Variants in RIMS2 observed in about 807,000 individuals in gnomAD.
RIMS2 encodes regulating synaptic membrane exocytosis protein 2.
A neutral mutation model predicts 174.4 loss-of-function variants in RIMS2; 59 were observed. The ratio of observed to expected loss-of-function variants is 0.34; its 90% CI spans 0.27 to 0.42. RIMS2 has a LOEUF of 0.42. RIMS2 is among the 10% of genes least tolerant of loss of function. The probability of loss-of-function intolerance (pLI) is 1.00; values close to 1 mark genes in which losing one functional copy is unlikely to be tolerated. For missense variants in RIMS2, 1,620 were observed against 1,666.3 expected, an observed-to-expected ratio of 0.97 and a Z score of 0.48; for synonymous variants, 606 against 572.5, an observed-to-expected ratio of 1.06 and a Z score of -0.84.
chr8:104,234,000 A>C (rs1227877302), intron 19 of RIMS2, among the ~76,000 whole-genome samples: 1 of 152,190 alleles, frequency 6.6e-6, no homozygotes, highest in Non-Finnish European at 1.5e-5. Flanking sequence ...CTTCATGGCA[A>C]GGCCTGTTAT....
rs1361124637 is a variant in RIMS2 at position 103,608,376 on chromosome 8, G to A, written c.177-88710G>A. Among the ~76,000 whole-genome samples the A allele has an allele frequency of 2.1e-5, 3 of 143,596 alleles. 1 individual carries two copies. Among genetic ancestry groups the A allele is most frequent in the Non-Finnish European group, 3.1e-5 (2 of 65,340 alleles). 94.2% of individuals were successfully genotyped at this position (143,596 alleles called of 152,430 possible). On this transcript the variant is annotated intron_variant, in intron 1 of 23. Coordinates refer to ENST00000504942, the Ensembl canonical transcript of RIMS2. Reference sequence around the variant, plus strand: ...TCAGATCTCCAGCTGCGTACTGGGAGAACCACTGCTCTCTTCAAAGCTGTC... The same window carrying A: ...TCAGATCTCCAGCTGCGTACTGGGAAAACCACTGCTCTCTTCAAAGCTGTC...
intron 3 of RIMS2, among the ~76,000 whole-genome samples, chr8:103,807,408 G>A (rs923532849): frequency 6.6e-6 from 1 of 152,098 alleles, no homozygotes; most frequent in African/African-American, 2.4e-5. Flanking sequence ...TAGAACATTA[G>A]TGCTAGAAAA....
chr8:103,876,866 A>T (rs7840426), intron 3 of RIMS2, among the ~76,000 whole-genome samples: 3,857 of 18,252 alleles, frequency 0.21, 148 homozygotes, highest in Non-Finnish European at 0.24. Flanking sequence ...ACACTATTTT[A>T]TATATATATA....
In RIMS2 at chr8:104,083,059, C is replaced by T. The variant is rs112948987; in HGVS notation, c.3334+68444C>T. On this transcript the variant is annotated intron_variant, in intron 19 of 23. Transcript: ENST00000504942. ...CCATCCCAAATGGTCTTTCTGTAAG[C>T]CCAGTTGATGCTTCTCTGTCTTCTC... is the stretch of plus-strand genomic sequence containing the variant. Among the ~76,000 whole-genome samples, 59 of 152,230 alleles carry T rather than the reference C, an allele frequency of 3.9e-4. 1 individual carries two copies. The highest frequency in any genetic ancestry group is 1.3e-3 in the African/African-American group (56 of 41,542).
intron 1 of RIMS2, among the ~76,000 whole-genome samples, chr8:103,640,093 G>C (rs1488400456): frequency 6.6e-6 from 1 of 151,758 alleles, no homozygotes; most frequent in Non-Finnish European, 1.5e-5. Flanking sequence ...TTTTAAAATA[G>C]ACATAGACCT....
intron 1 of RIMS2, among the ~76,000 whole-genome samples, chr8:103,620,620 G>C (rs1273193228): frequency 6.6e-6 from 1 of 152,064 alleles, no homozygotes; most frequent in African/African-American, 2.4e-5. Flanking sequence ...AATGGGCAAA[G>C]GAGAATTTAG....
intron 1 of RIMS2, among the ~76,000 whole-genome samples, chr8:103,574,337 T>C (rs2093052462): frequency 6.6e-6 from 1 of 152,206 alleles, no homozygotes; most frequent in African/African-American, 2.4e-5. Context: ...CAATGAATCT[T>C]CAGACAATAC....
At chr8:103,982,721 C>G (rs1057193545) in intron 16 of RIMS2, among the ~76,000 whole-genome samples, 1 of 152,026 alleles carries the variant, frequency 6.6e-6, no homozygotes, top group Non-Finnish European at 1.5e-5. Flanking sequence ...TAAAAACCCT[C>G]AAAAAACTGG....
intron 1 of RIMS2, among the ~76,000 whole-genome samples, chr8:103,567,205 C>T (rs940570371): frequency 2.8e-4 from 43 of 151,990 alleles, no homozygotes; most frequent in African/African-American, 9.2e-4. Flanking sequence ...AAAATTTTAC[C>T]GTATGGCATT....
chr8:103,657,186 A>ATCTT (rs1443746835), intron 1 of RIMS2, among the ~76,000 whole-genome samples: 1 of 152,206 alleles, frequency 6.6e-6, no homozygotes, highest in East Asian at 1.9e-4. Flanking sequence ...ACAGCCCAAG[A>ATCTT]GCACAGGTTC....
At chr8:104,199,218 C>T (rs1384359184) in intron 19 of RIMS2, among the ~76,000 whole-genome samples, 3 of 152,140 alleles carry the variant, frequency 2.0e-5, no homozygotes, top group Admixed American at 6.5e-5. Flanking sequence ...CCCGCCACCA[C>T]GCCCGGCTAA....
rs534517676 is a variant in RIMS2, at chr8:104,058,618, G to C, written c.3334+44003G>C. On this transcript the variant is annotated intron_variant, in intron 19 of 23. Transcript: ENST00000504942. The stretch of plus-strand genomic sequence containing the variant: ...TTGGCTTTTGTTGCCATTGCTTTTG[G>C]TGTTTTAGACATGAAGTCCTTGCCC... 4.1e-3 allele frequency among the ~76,000 whole-genome samples: 621 copies of C among 151,426 alleles called. 3 individuals carry two copies. The highest frequency in any genetic ancestry group is 0.031 in the South Asian group (148 of 4,718).
intron 19 of RIMS2, among the ~76,000 whole-genome samples, chr8:104,164,137 CTT>C (rs2098781739): frequency 6.6e-6 from 1 of 151,822 alleles, no homozygotes; most frequent in African/African-American, 2.4e-5. Context: ...TTTCTTGTCT[CTT>C]TTTGTCTTCC....
chr8:103,734,611 G>T (rs1046749547), intron 2 of RIMS2, among the ~76,000 whole-genome samples: 1 of 151,572 alleles, frequency 6.6e-6, no homozygotes, highest in Non-Finnish European at 1.5e-5. Context: ...TCTCAATTCC[G>T]CTGCCTTGGC....
intron 3 of RIMS2, among the ~76,000 whole-genome samples, chr8:103,847,466 G>T (rs1359366714): frequency 2.6e-5 from 4 of 152,038 alleles, no homozygotes; most frequent in African/African-American, 7.2e-5. Context: ...CTCATAATTA[G>T]TGTTTTTACT....
At chr8:103,618,314 C>A (rs750651780) in intron 1 of RIMS2, among the ~76,000 whole-genome samples, 1 of 151,956 alleles carries the variant, frequency 6.6e-6, no homozygotes, top group Non-Finnish European at 1.5e-5. Context: ...ACACTAGGAT[C>A]TACTTGAATG....
chr8:103,558,080 AGTC>A (rs1436443788), intron 1 of RIMS2, among the ~76,000 whole-genome samples: 2 of 152,186 alleles, frequency 1.3e-5, no homozygotes, highest in Admixed American at 1.3e-4. Flanking sequence ...TTTTTTAACA[AGTC>A]AGCAAACTAA....
intron 3 of RIMS2, among the ~76,000 whole-genome samples, chr8:103,783,344 T>C (rs1303045752): frequency 6.6e-6 from 1 of 151,166 alleles, no homozygotes; most frequent in African/African-American, 2.4e-5. Context: ...TATGTATACA[T>C]GTGCCATGCT....
chr8:104,110,490 A>G (rs2098161445), intron 19 of RIMS2, among the ~76,000 whole-genome samples: 1 of 152,168 alleles, frequency 6.6e-6, no homozygotes, highest in Non-Finnish European at 1.5e-5. Flanking sequence ...ATCCAAACCA[A>G]GCATAAGGTT....
Sources: gnomAD v4.1 joint callset for allele counts (sites outside exome capture counted in the v4.1 genomes callset) on GRCh38, gnomAD v4.1.1 for gene constraint, MANE v1.5 for transcripts, NCBI Gene and HGNC (gene_info 2026-07-23, HGNC 2026-07-21) for gene names.